UBE2H: variants seen among roughly 807,000 people sequenced by gnomAD.
The protein encoded by UBE2H is ubiquitin conjugating enzyme E2 H, also known as ubiquitin-conjugating enzyme E2 H.
A neutral mutation model predicts 29.0 loss-of-function variants in UBE2H; 3 were observed. That is an observed-to-expected ratio of 0.10 (90% CI 0.05 to 0.27). The LOEUF (loss-of-function observed/expected upper bound fraction) is 0.27, where lower values mean the gene tolerates loss of function less well. Among genes scored for constraint, UBE2H ranks in the 10% least tolerant of loss-of-function variants. The probability of loss-of-function intolerance (pLI) is 1.00; values close to 1 mark genes in which losing one functional copy is unlikely to be tolerated. For synonymous variants in UBE2H, 69 were observed against 82.9 expected, an observed-to-expected ratio of 0.83 and a Z score of 0.91; for missense variants, 68 against 228.2, an observed-to-expected ratio of 0.30 and a Z score of 4.52.
chr7:129,842,202 G>A (rs756854164), intron 5 of UBE2H, among the ~76,000 whole-genome samples: 1 of 152,226 alleles, frequency 6.6e-6, no homozygotes, highest in Non-Finnish European at 1.5e-5. Context: ...AGGCCAAGGT[G>A]GGTGGATCAC....
chr7:129,926,327 TG>T (rs1807269627), intron 1 of UBE2H, among the ~76,000 whole-genome samples: 2 of 151,718 alleles, frequency 1.3e-5, no homozygotes, highest in African/African-American at 4.8e-5. Context: ...CTGACCAACA[TG>T]GAGAAACCCC....
intron 1 of UBE2H, among the ~76,000 whole-genome samples, chr7:129,898,590 T>C (rs1449337931): frequency 6.6e-6 from 1 of 152,184 alleles, no homozygotes; most frequent in Non-Finnish European, 1.5e-5. Flanking sequence ...GATGTATATA[T>C]AGTAAGAAAA....
chr7:129,839,694 G>C, intron 5 of UBE2H: 1 of 249,444 alleles, frequency 4.0e-6, no homozygotes, highest in Non-Finnish European at 7.7e-6. Flanking sequence ...ATTGAAGACA[G>C]TTTTTGTGGG....
chr7:129,940,861 T>C (rs116651143), intron 1 of UBE2H, among the ~76,000 whole-genome samples: 170 of 152,354 alleles, frequency 1.1e-3, no homozygotes, highest in African/African-American at 3.7e-3. Flanking sequence ...CAATTGAGAA[T>C]CACTAATGCA....
chr7:129,931,887 G>A (rs1187303505), intron 1 of UBE2H, among the ~76,000 whole-genome samples: 1 of 148,314 alleles, frequency 6.7e-6, no homozygotes, highest in African/African-American at 2.5e-5. Flanking sequence ...CCAGGCTGGA[G>A]TGCAGTGGCA....
At chr7:129,881,002 G>T in intron 1 of UBE2H, 31 bp from the exon 2 acceptor site, 1 of 1,590,312 alleles carries the variant, frequency 6.3e-7, no homozygotes, top group Non-Finnish European at 8.6e-7. Flanking sequence ...AATTACACAG[G>T]CTTTACAGTA....
At chr7:129,939,683 G>A (rs973734094) in intron 1 of UBE2H, among the ~76,000 whole-genome samples, 1 of 152,084 alleles carries the variant, frequency 6.6e-6, no homozygotes, top group Admixed American at 6.6e-5. Context: ...ATCCAGGCTG[G>A]GCACGGTGGC....
At chr7:129,850,809 T>G (rs1805594348) in intron 5 of UBE2H, among the ~76,000 whole-genome samples, 1 of 135,328 alleles carries the variant, frequency 7.4e-6, no homozygotes, top group Admixed American at 8.5e-5. Context: ...AGTAAGACTC[T>G]GTCTCAAAAA....
intron 1 of UBE2H, among the ~76,000 whole-genome samples, chr7:129,903,889 G>A (rs1366758676): frequency 6.6e-6 from 1 of 152,174 alleles, no homozygotes; most frequent in Non-Finnish European, 1.5e-5. Context: ...CGGCAATAGA[G>A]TGACACCCTG....
chr7:129,839,130 TAAG>T, intron 6 of UBE2H, 74 bp downstream of exon 6: 1 of 1,560,666 alleles, frequency 6.4e-7, no homozygotes, highest in Non-Finnish European at 8.6e-7. Flanking sequence ...CTAAGTAATT[TAAG>T]AAGGACTTTT....
At chr7:129,847,508 A>G (rs527262476) in intron 5 of UBE2H, among the ~76,000 whole-genome samples, 33 of 149,748 alleles carry the variant, frequency 2.2e-4, no homozygotes, top group Non-Finnish European at 4.0e-4. Flanking sequence ...AGTGAGACCC[A>G]GTCTCTCTTT....
At position 129,935,099 on chromosome 7, in the gene UBE2H, G is replaced by A. The variant is rs1023066662; in HGVS notation, c.53+17404C>T. On this transcript the variant is annotated intron_variant, in intron 1 of 6. Coordinates refer to ENST00000355621, the MANE Select transcript of UBE2H (RefSeq NM_003344.4). The stretch of plus-strand genomic sequence containing the variant: ...ATATATAGAGGTATACATAGAAGCA[G>A]AAATATATATAGATAAATATATAAC... 2.0e-5 allele frequency among the ~76,000 whole-genome samples: 3 copies of A among 151,508 alleles called. No homozygotes were observed. In the East Asian group the frequency reaches 5.8e-4, roughly 29 times the overall value.
At chr7:129,840,562 A>G (rs1805410798) in intron 5 of UBE2H, among the ~76,000 whole-genome samples, 1 of 152,162 alleles carries the variant, frequency 6.6e-6, no homozygotes, top group Non-Finnish European at 1.5e-5. Flanking sequence ...CCAGCGTTTT[A>G]GAAAAGCAGG....
In UBE2H at chr7:129,834,996, A is replaced by G; in HGVS notation, c.493T>C (p.Ser165Pro). 1 of 1,614,090 alleles carries G rather than the reference A, an allele frequency of 6.2e-7. No individual in the cohort carries two copies. Among genetic ancestry groups the G allele is most frequent in the Non-Finnish European group, 8.5e-7 (1 of 1,180,018 alleles). ...AAGTCAGACATAGAGCTCTCCGATGAGCTGTCCCCGGTACCCTCTTCCTGT... is the reference window on the plus strand; with the variant it reads ...AAGTCAGACATAGAGCTCTCCGATGGGCTGTCCCCGGTACCCTCTTCCTGT... ...KEQEEGTGDS[S>P]SESSMSDFSE... is the part of the protein sequence containing the mutation. The change falls in exon 7 of 7, where the codon TCA (serine) becomes CCA (proline). Residue 165 changes from serine (S) to proline (P), a missense_variant. Coordinates refer to ENST00000355621, the MANE Select transcript of UBE2H (RefSeq NM_003344.4).
At chr7:129,936,465 G>A (rs1281244661) in intron 1 of UBE2H, among the ~76,000 whole-genome samples, 2 of 151,478 alleles carry the variant, frequency 1.3e-5, no homozygotes, top group South Asian at 4.2e-4. Context: ...GTAGTGGCGG[G>A]CGCCTGTAGT....
chr7:129,929,797 G>A (rs1258939159), intron 1 of UBE2H, among the ~76,000 whole-genome samples: 2 of 152,130 alleles, frequency 1.3e-5, no homozygotes, highest in Admixed American at 6.5e-5. Context: ...ATCACTTGAG[G>A]TCAGGCGTTC....
At chr7:129,846,025 C>G (rs1040706620) in intron 5 of UBE2H, among the ~76,000 whole-genome samples, 2 of 152,072 alleles carry the variant, frequency 1.3e-5, no homozygotes, top group African/African-American at 4.8e-5. Context: ...AAAAGAGTTA[C>G]ACTGAAAAAA....
At chr7:129,912,231 G>A (rs1416718242) in intron 1 of UBE2H, among the ~76,000 whole-genome samples, 3 of 152,142 alleles carry the variant, frequency 2.0e-5, no homozygotes, top group African/African-American at 7.2e-5. Context: ...TTGCAAAAAA[G>A]ACCATACAGC....
intron 5 of UBE2H, among the ~76,000 whole-genome samples, chr7:129,842,619 C>T (rs536878693): frequency 1.6e-4 from 24 of 152,164 alleles, no homozygotes; most frequent in Non-Finnish European, 2.4e-4. Flanking sequence ...TTCAGTTTTA[C>T]AGGCCAGACG....
Sources: gnomAD v4.1 joint callset for allele counts (sites outside exome capture counted in the v4.1 genomes callset) on GRCh38, gnomAD v4.1.1 for gene constraint, MANE v1.5 for transcripts, NCBI Gene and HGNC (gene_info 2026-07-23, HGNC 2026-07-21) for gene names.